ANKH: variants seen among roughly 807,000 people sequenced by gnomAD.
The protein encoded by ANKH is mineralization regulator ANKH.
ANKH carries 15 observed loss-of-function variants against 49.0 expected under a neutral mutation model. The ratio of observed to expected loss-of-function variants is 0.31; its 90% CI spans 0.20 to 0.47. The LOEUF (loss-of-function observed/expected upper bound fraction) is 0.47. Ranked by LOEUF, ANKH falls within the 20% of genes least tolerant of loss-of-function variation. The pLI is 1.00. For synonymous variants in ANKH, 273 were observed against 260.0 expected, an observed-to-expected ratio of 1.05 and a Z score of -0.48; for missense variants, 429 against 652.0, an observed-to-expected ratio of 0.66 and a Z score of 3.72.
chr5:14,759,251 C>A (rs1738997385), intron 2 of ANKH, among the ~76,000 whole-genome samples: 1 of 152,084 alleles, frequency 6.6e-6, no homozygotes, highest in Non-Finnish European at 1.5e-5. Context: ...GTAGTCCTTC[C>A]AATATCAGAA....
chr5:14,808,826 A>G (rs560294909), intron 1 of ANKH, among the ~76,000 whole-genome samples: 2 of 132,304 alleles, frequency 1.5e-5, no homozygotes, highest in Admixed American at 1.6e-4. Context: ...CAGCCATCCC[A>G]TTACTGGGTA....
intron 1 of ANKH, among the ~76,000 whole-genome samples, chr5:14,810,666 C>T (rs1740853154): frequency 6.6e-6 from 1 of 152,142 alleles, no homozygotes; most frequent in South Asian, 2.1e-4. Context: ...TCTCTTGCAG[C>T]ATTAAGAAAC....
chr5:14,720,306 T>C (rs1349840548), intron 8 of ANKH, among the ~76,000 whole-genome samples: 4 of 152,204 alleles, frequency 2.6e-5, no homozygotes, highest in Non-Finnish European at 4.4e-5. Context: ...GAAAAAATAC[T>C]TCCTTAGATC....
chr5:14,715,094 C>T (rs1737396638), intron 9 of ANKH, among the ~76,000 whole-genome samples: 1 of 152,238 alleles, frequency 6.6e-6, no homozygotes, highest in South Asian at 2.1e-4. Flanking sequence ...AGGGCCGTTC[C>T]ATCAGCCCTG....
intron 11 of ANKH, among the ~76,000 whole-genome samples, chr5:14,712,535 C>T (rs1016419340): frequency 1.3e-5 from 2 of 152,256 alleles, no homozygotes; most frequent in Non-Finnish European, 2.9e-5. Flanking sequence ...CCTCTCCCAT[C>T]GGCAGCATCG....
chr5:14,765,224 A>G (rs1739221595), intron 2 of ANKH, among the ~76,000 whole-genome samples: 2 of 152,218 alleles, frequency 1.3e-5, no homozygotes. Flanking sequence ...TGGTTAAGCT[A>G]AAAAAGAGAT....
At chr5:14,758,276 C>A (rs1738965182) in intron 3 of ANKH, among the ~76,000 whole-genome samples, 1 of 152,038 alleles carries the variant, frequency 6.6e-6, no homozygotes, top group Non-Finnish European at 1.5e-5. Context: ...GGGGAGGGGG[C>A]CGAGGAGGGT....
intron 4 of ANKH, among the ~76,000 whole-genome samples, chr5:14,753,259 ACT>A (rs1738778426): frequency 2.0e-5 from 3 of 151,796 alleles, no homozygotes; most frequent in Admixed American, 1.3e-4. Context: ...AGGTAGAGAA[ACT>A]CTCTGAAATA....
intron 6 of ANKH, among the ~76,000 whole-genome samples, chr5:14,747,295 T>G (rs939417101): frequency 6.6e-6 from 1 of 152,248 alleles, no homozygotes; most frequent in Non-Finnish European, 1.5e-5. Flanking sequence ...AACATGAGTT[T>G]CTGACCAGCC....
chr5:14,715,556 CA>C (rs1737417132), intron 9 of ANKH, among the ~76,000 whole-genome samples: 1 of 152,206 alleles, frequency 6.6e-6, no homozygotes, highest in Non-Finnish European at 1.5e-5. Context: ...TTAAAAGATA[CA>C]AAAGGGAATA....
intron 1 of ANKH, among the ~76,000 whole-genome samples, chr5:14,773,737 C>G (rs916958369): frequency 1.3e-5 from 2 of 152,168 alleles, no homozygotes; most frequent in East Asian, 3.8e-4. Context: ...GGCTGACAGG[C>G]GCTTGAAAGC....
intron 5 of ANKH, among the ~76,000 whole-genome samples, chr5:14,749,808 CACAG>C (rs1370917122): frequency 6.6e-6 from 1 of 152,206 alleles, no homozygotes; most frequent in Non-Finnish European, 1.5e-5. Context: ...TCGGAGCTCT[CACAG>C]ACATCATGTA....
At chr5:14,771,526 T>G (rs1739428786) in intron 1 of ANKH, among the ~76,000 whole-genome samples, 1 of 152,234 alleles carries the variant, frequency 6.6e-6, no homozygotes, top group African/African-American at 2.4e-5. Flanking sequence ...TCACTGGCTC[T>G]GGGTCGCTTC....
At chr5:14,793,009 TATATATATATAAATATATATATATAAAA>T (rs1347424635) in intron 1 of ANKH, among the ~76,000 whole-genome samples, 1 of 42,532 alleles carries the variant, frequency 2.4e-5, no homozygotes, top group Non-Finnish European at 5.0e-5. Context: ...TATATATAAA[TATATATATATAAATATATATATATAAAA>T]ATATATATAT....
chr5:14,805,583 C>T (rs1284888272), intron 1 of ANKH, among the ~76,000 whole-genome samples: 1 of 151,124 alleles, frequency 6.6e-6, no homozygotes, highest in Non-Finnish European at 1.5e-5. Flanking sequence ...GACTAATACA[C>T]TTGCTTTAGG....
At chr5:14,782,602 TAC>T (rs1482025791) in intron 1 of ANKH, among the ~76,000 whole-genome samples, 2 of 152,222 alleles carry the variant, frequency 1.3e-5, no homozygotes, top group Non-Finnish European at 2.9e-5. Flanking sequence ...AGACTATCTT[TAC>T]AAAAAATTCC....
chr5:14,816,929 T>G (rs1275446958), intron 1 of ANKH, among the ~76,000 whole-genome samples: 1 of 152,222 alleles, frequency 6.6e-6, no homozygotes, highest in African/African-American at 2.4e-5. Context: ...TGCACAGATC[T>G]CAGCCTTTTT....
chr5:14,798,382 C>G, intron 1 of ANKH: 1 of 1,577,330 alleles, frequency 6.3e-7, no homozygotes, highest in Non-Finnish European at 8.7e-7. Context: ...TTGTCAAAGG[C>G]TGCTTCCTTG....
chr5:14,869,215 G>A (rs1266834528), intron 1 of ANKH: 2 of 152,134 alleles, frequency 1.3e-5, no homozygotes, highest in Non-Finnish European at 2.9e-5. Flanking sequence ...CACATACCAG[G>A]TCACTCTTCA....
Sources: allele counts gnomAD v4.1 joint callset (sites outside exome capture counted in the v4.1 genomes callset), GRCh38; gene constraint gnomAD v4.1.1; transcripts MANE v1.5; gene names NCBI Gene and HGNC (gene_info 2026-07-23, HGNC 2026-07-21).